Variants in SCFD1 observed in about 807,000 individuals in gnomAD.
SCFD1 encodes the protein sec1 family domain-containing protein 1.
In SCFD1, 37 loss-of-function variants were observed where a neutral mutation model predicts 103.2. The observed-to-expected ratio is 0.36, with a 90% CI of 0.28 to 0.47. The LOEUF (loss-of-function observed/expected upper bound fraction) is 0.47, where lower values mean the gene tolerates loss of function less well. Ranked by LOEUF, SCFD1 falls within the 20% of genes least tolerant of loss-of-function variation. The pLI, the probability that SCFD1 is intolerant of heterozygous loss-of-function variation, is 1.00. For synonymous variants in SCFD1, 264 were observed against 245.0 expected (o/e 1.08, Z -0.73); for missense variants, 639 against 761.2 (o/e 0.84, Z 1.89).
At chr14:30,717,291 T>C (rs7152417) in intron 20 of SCFD1, among the ~76,000 whole-genome samples, 74,954 of 151,944 alleles carry the variant, frequency 0.49, 21,471 homozygotes, top group African/African-American at 0.79. Context: ...GCCTAGGCCA[T>C]GTGGTGAAAC....
At chr14:30,641,294 C>A (rs1348598561) in intron 6 of SCFD1, among the ~76,000 whole-genome samples, 2 of 152,056 alleles carry the variant, frequency 1.3e-5, no homozygotes, top group Non-Finnish European at 2.9e-5. Flanking sequence ...GGATTGGGAG[C>A]AAGGAGATTT....
rs1029331706 is a variant in SCFD1 at position 30,677,777 on chromosome 14, C to T, written c.1242+2712C>T. Among the ~76,000 whole-genome samples, 56 of 134,452 alleles carry T rather than the reference C, an allele frequency of 4.2e-4. 1 individual carries two copies. The highest frequency in any genetic ancestry group is 1.5e-3 in the African/African-American group (55 of 35,804). 88.2% of individuals were successfully genotyped at this position (134,452 alleles called of 152,430 possible). On this transcript the variant is annotated intron_variant, in intron 14 of 24. Transcript: ENST00000458591. ...ATCTCTTCTCTTTTCACCAGAATTT[C>T]TTGACCATCTGAGCTTTACTTACTT...
intron 3 of SCFD1, among the ~76,000 whole-genome samples, chr14:30,632,537 A>G (rs1425339826): frequency 6.6e-6 from 1 of 152,162 alleles, no homozygotes; most frequent in Admixed American, 6.6e-5. Context: ...TTTATGTCAG[A>G]CTGAAATAAG....
At chr14:30,635,352 A>G (rs1383822959) in intron 4 of SCFD1, among the ~76,000 whole-genome samples, 1 of 152,090 alleles carries the variant, frequency 6.6e-6, no homozygotes, top group Non-Finnish European at 1.5e-5. Flanking sequence ...TGCAACCATC[A>G]CCACAGTCAA....
intron 10 of SCFD1, among the ~76,000 whole-genome samples, chr14:30,659,102 A>T (rs1326718619): frequency 6.7e-6 from 1 of 150,240 alleles, no homozygotes; most frequent in Non-Finnish European, 1.5e-5. Context: ...CTGAACTTGG[A>T]TTGAATTTTT....
intron 20 of SCFD1, among the ~76,000 whole-genome samples, chr14:30,718,402 T>A (rs1033338513): frequency 6.6e-6 from 1 of 152,250 alleles, no homozygotes; most frequent in Non-Finnish European, 1.5e-5. Flanking sequence ...TTTCACTTTA[T>A]AACTCAAGGC....
At chr14:30,634,921 G>C (rs1258944721) in intron 4 of SCFD1, 3 of 455,940 alleles carry the variant, frequency 6.6e-6, no homozygotes, top group Non-Finnish European at 1.3e-5. Flanking sequence ...TTTCTCACTA[G>C]GTAGAATCAG....
At chr14:30,640,443 T>TA (rs1372889826) in intron 6 of SCFD1, among the ~76,000 whole-genome samples, 3 of 152,186 alleles carry the variant, frequency 2.0e-5, no homozygotes, top group Non-Finnish European at 4.4e-5. Context: ...TTATTTAAGT[T>TA]ACATATTTTA....
At position 30,679,820 on chromosome 14, in the gene SCFD1, C is replaced by T. The variant is rs76917789; in HGVS notation, c.1242+4755C>T. Among the ~76,000 whole-genome samples the T allele has an allele frequency of 1.7e-3, 257 of 152,046 alleles. 6 individuals carry two copies. In the East Asian group the frequency reaches 0.018, roughly 11 times the overall value. ...TTTGTGCTGATTTGTTTAAAATGATCTCTTGTCCAGTATGCATATCAAGTG... is the reference window on the plus strand; with the variant it reads ...TTTGTGCTGATTTGTTTAAAATGATTTCTTGTCCAGTATGCATATCAAGTG... On this transcript the variant is annotated intron_variant, in intron 14 of 24. Coordinates refer to ENST00000458591, the MANE Select transcript of SCFD1 (RefSeq NM_016106.4).
intron 14 of SCFD1, among the ~76,000 whole-genome samples, chr14:30,684,593 C>G (rs1205895460): frequency 6.6e-6 from 1 of 151,802 alleles, no homozygotes; most frequent in Non-Finnish European, 1.5e-5. Flanking sequence ...TAATGAGATT[C>G]CTCCCATAGA....
chr14:30,709,328 G>A (rs1448194141), intron 19 of SCFD1, among the ~76,000 whole-genome samples: 2 of 151,886 alleles, frequency 1.3e-5, no homozygotes, highest in African/African-American at 4.8e-5. Flanking sequence ...GACAAGGTCA[G>A]GCTCTCTTGC....
chr14:30,624,047 G>A (rs1302310799), intron 1 of SCFD1, among the ~76,000 whole-genome samples: 2 of 152,198 alleles, frequency 1.3e-5, no homozygotes, highest in Non-Finnish European at 2.9e-5. Flanking sequence ...GGTGAGGAAA[G>A]TAAGATAGAG....
At chr14:30,627,705 T>C (rs377501428) in intron 1 of SCFD1, among the ~76,000 whole-genome samples, 1 of 143,540 alleles carries the variant, frequency 7.0e-6, no homozygotes, top group East Asian at 2.0e-4. Context: ...ATCACGCCAT[T>C]GCACTCCAGC....
intron 14 of SCFD1, among the ~76,000 whole-genome samples, chr14:30,680,405 A>T (rs905161956): frequency 7.2e-5 from 11 of 152,198 alleles, no homozygotes; most frequent in African/African-American, 2.7e-4. Flanking sequence ...GATATTTAAC[A>T]TAGTAGGTAT....
chr14:30,722,619 C>A, intron 23 of SCFD1, 60 bp downstream of exon 23: 4 of 1,035,886 alleles, frequency 3.9e-6, no homozygotes, highest in Non-Finnish European at 4.3e-6. Flanking sequence ...AGAACACTAG[C>A]ATACTCTGAT....
intron 23 of SCFD1, among the ~76,000 whole-genome samples, chr14:30,733,978 T>G (rs1435985105): frequency 6.6e-6 from 1 of 152,302 alleles, no homozygotes; most frequent in East Asian, 1.9e-4. Flanking sequence ...ATCCCAATTA[T>G]ATGACCCATA....
At chr14:30,677,520 A>G (rs1030854009) in intron 14 of SCFD1, among the ~76,000 whole-genome samples, 4 of 152,130 alleles carry the variant, frequency 2.6e-5, no homozygotes, top group Admixed American at 2.0e-4. Context: ...TATATCCTAG[A>G]TAAAGAAGCA....
chr14:30,625,652 C>A (rs959242935), intron 1 of SCFD1, among the ~76,000 whole-genome samples: 1 of 145,562 alleles, frequency 6.9e-6, no homozygotes, highest in African/African-American at 2.6e-5. Flanking sequence ...TATAGGTATA[C>A]CTATATAGGT....
At chr14:30,690,741 T>C (rs1300737367) in intron 14 of SCFD1, among the ~76,000 whole-genome samples, 1 of 151,392 alleles carries the variant, frequency 6.6e-6, no homozygotes, top group African/African-American at 2.4e-5. Context: ...ACCCGGTACT[T>C]CAGATGGAAA....
Sources: allele counts gnomAD v4.1 joint callset (sites outside exome capture counted in the v4.1 genomes callset), GRCh38; gene constraint gnomAD v4.1.1; transcripts MANE v1.5; gene names NCBI Gene and HGNC (gene_info 2026-07-23, HGNC 2026-07-21).